Variants in ZNF687 observed in about 807,000 individuals in gnomAD.
ZNF687 encodes zinc finger protein 687.
In ZNF687, 13 loss-of-function variants were observed where a neutral mutation model predicts 71.8. The observed-to-expected ratio is 0.18, with a 90% CI of 0.12 to 0.29. ZNF687 has a LOEUF of 0.29. Among genes scored for constraint, ZNF687 ranks in the 10% least tolerant of loss-of-function variants. ZNF687 has a pLI of 1.00. For synonymous variants in ZNF687, 673 were observed against 641.6 expected (o/e 1.05, Z -0.74); for missense variants, 1,412 against 1,625.6 (o/e 0.87, Z 2.26).
rs754560639 is a variant in ZNF687 at position 151,287,216 on chromosome 1, G to T, written c.925G>T (p.Ala309Ser). 1.5e-5 allele frequency: 25 copies of T among 1,614,180 alleles called. No individual in the cohort carries two copies. Among genetic ancestry groups the T allele is most frequent in the Non-Finnish European group, 2.1e-5 (25 of 1,180,026 alleles). Residue 309 changes from alanine (A) to serine (S), a missense_variant, in exon 2 of 9, where the codon GCC becomes TCC. Transcript: ENST00000336715. This position sits in a 1 kb window ranked among gnomAD's most constrained non-coding sequence, Gnocchi z 5.0. ...PGSPQSPSSG[A>S]EAADEDSNDS... ...AAGTCCCCAGAGTCCCTCTAGTGGG[G>T]CCGAGGCTGCAGATGAGGACAGCAA... is the stretch of plus-strand genomic sequence containing the variant.
chr1:151,285,860 C>A (rs1693923970), intron 1 of ZNF687: 1 of 154,154 alleles, frequency 6.5e-6, no homozygotes, highest in Admixed American at 6.5e-5. Context: ...CAGGCATGTG[C>A]CACCACACCT....
rs938678836 is a variant in ZNF687 at position 151,290,524 on chromosome 1, C to A, written c.3170C>A (p.Ser1057Tyr). Residue 1057 changes from serine (S) to tyrosine (Y), a missense_variant, in exon 8 of 9, where the codon TCC becomes TAC. Physicochemically the swap from Ser to Tyr is moderately radical, Grantham distance 144 (BLOSUM62 -2). Coordinates refer to ENST00000336715, the MANE Select transcript of ZNF687 (RefSeq NM_020832.3). Reference sequence around the variant, plus strand: ...CACGGCTTGCAGCTTGGGGCCCAGTCCCCTGGCCGGGGGACCACCTTGGCT... The same window carrying A: ...CACGGCTTGCAGCTTGGGGCCCAGTACCCTGGCCGGGGGACCACCTTGGCT... ...VRHGLQLGAQSPGRGTTLARG... is the reference protein window; with the variant it reads ...VRHGLQLGAQYPGRGTTLARG... The A allele has an allele frequency of 4.3e-6, 7 of 1,613,850 alleles. No homozygotes were observed. Among genetic ancestry groups the A allele is most frequent in the Non-Finnish European group, 5.1e-6 (6 of 1,179,962 alleles).
chr1:151,291,263 A>G lies in ZNF687; in HGVS notation c.*54A>G, dbSNP rs1201456075. 6.5e-7 allele frequency: 1 copy of G among 1,537,120 alleles called. No homozygotes were observed. ...TTCCTCTTGGAGCCTGGTTTTCCCT[A>G]CTGCTGCCTGATCCCTCGGCTGGGG... On this transcript the variant is annotated 3_prime_UTR_variant, in exon 9 of 9. Coordinates refer to ENST00000336715, the MANE Select transcript of ZNF687 (RefSeq NM_020832.3).
intron 1 of ZNF687, chr1:151,282,986 C>T (rs1385919454): frequency 7.5e-6 from 3 of 399,210 alleles, no homozygotes; most frequent in Non-Finnish European, 1.0e-5. Flanking sequence ...ACCGTCCCCT[C>T]TCTCCTCCCC....
intron 1 of ZNF687, chr1:151,282,976 A>G (rs1234287819): frequency 6.2e-6 from 2 of 321,326 alleles, no homozygotes; most frequent in Non-Finnish European, 9.0e-6. Context: ...TCGCGCAGAG[A>G]CCGTCCCCTC....
At position 151,282,310 on chromosome 1, in the gene ZNF687, G is replaced by A; in HGVS notation, c.-103G>A. 2 of 1,001,176 alleles carry A rather than the reference G, an allele frequency of 2.0e-6. No individual in the cohort carries two copies. The highest frequency in any genetic ancestry group is 1.7e-5 in the African/African-American group (1 of 57,908). The allele number at this position is 1,001,176 out of a possible 1,614,324, so 62.0% of individuals were successfully genotyped here. On this transcript the variant is annotated 5_prime_UTR_variant, in exon 1 of 9. Coordinates refer to ENST00000336715, the MANE Select transcript of ZNF687 (RefSeq NM_020832.3). ...AACCGGAGAGAAGCAGGAAGTAGCG[G>A]CGGCCGCGGGGAGGGCGGCGGTGGC... is the stretch of plus-strand genomic sequence containing the variant.
chr1:151,281,973 A>G, upstream of ZNF687: 1 of 1,203,172 alleles, frequency 8.3e-7, no homozygotes, highest in African/African-American at 1.6e-5. Flanking sequence ...TCCAGTAGGC[A>G]AGCTGGGAAG....
In ZNF687 at chr1:151,287,355, C is replaced by A. The variant is rs1230495858; in HGVS notation, c.1064C>A (p.Pro355Gln). The change falls in exon 2 of 9, where the codon CCA becomes CAA. Residue 355 changes from proline to glutamine, a missense_variant. Physicochemically the swap from Pro to Gln is moderately conservative, Grantham distance 76 (BLOSUM62 -1). Transcript: ENST00000336715. The surrounding 1 kb of genome is among the most constrained non-coding windows in gnomAD (Gnocchi z 5.0). ...ACTCAGGTCCCCTCAGATCCTGATC[C>A]ACCTGCCCCCTTGGCTGAGGGGGCC... ...TVTQVPSDPD[P>Q]PAPLAEGAFL... The A allele has an allele frequency of 6.2e-7, 1 of 1,614,072 alleles. No homozygotes were observed. Among genetic ancestry groups the A allele is most frequent in the Non-Finnish European group, 8.5e-7 (1 of 1,180,040 alleles).
chr1:151,283,767 G>A (rs1470689963), intron 1 of ZNF687: 2 of 926,080 alleles, frequency 2.2e-6, no homozygotes, highest in African/African-American at 1.8e-5. Flanking sequence ...AATAGGGTGG[G>A]GGTGAGGGGA....
rs1044367887 is a variant in ZNF687 at position 151,287,431 on chromosome 1, T to C, written c.1140T>C (p.Ser380=). The change falls in exon 2 of 9, where the codon TCT becomes TCC. Residue 380 remains serine (S), a synonymous_variant. Transcript: ENST00000336715. This position sits in a 1 kb window ranked among gnomAD's most constrained non-coding sequence, Gnocchi z 5.0. Reference sequence around the variant, plus strand: ...AGCTGTCCCCTGCAACACCTACTTCTGAGGGTCCAAAGGTGGTGAGCGTAC... The same window carrying C: ...AGCTGTCCCCTGCAACACCTACTTCCGAGGGTCCAAAGGTGGTGAGCGTAC... ...LLKLSPATPT[S]EGPKVVSVQL... The C allele has an allele frequency of 6.2e-7, 1 of 1,614,146 alleles. No homozygotes were observed. The highest frequency in any genetic ancestry group is 8.5e-7 in the Non-Finnish European group (1 of 1,180,026).
chr1:151,290,225 A>G lies in ZNF687; in HGVS notation c.3068A>G (p.Tyr1023Cys), dbSNP rs1344990355. 6.2e-7 allele frequency: 1 copy of G among 1,613,790 alleles called. No individual in the cohort carries two copies. ...RVNHEGIKRV[Y>C]PCRYCTEGKR... Reference sequence around the variant, plus strand: ...AATCACGAGGGCATCAAGCGAGTTTACCCCTGCAGGTAAGTCTTGCTCCCC... The same window carrying G: ...AATCACGAGGGCATCAAGCGAGTTTGCCCCTGCAGGTAAGTCTTGCTCCCC... Residue 1023 changes from tyrosine (Y) to cysteine (C), a missense_variant, in exon 7 of 9, where the codon TAC (tyrosine) becomes TGC (cysteine). Physicochemically the swap from Tyr to Cys is radical, Grantham distance 194. Around this residue, in one of 8 missense-constraint regions of ZNF687, gnomAD observed 284 missense variants for 359.2 expected, o/e 0.79. Coordinates refer to ENST00000336715, the MANE Select transcript of ZNF687 (RefSeq NM_020832.3).
chr1:151,285,904 T>C (rs1693925348), intron 1 of ZNF687: 1 of 159,342 alleles, frequency 6.3e-6, no homozygotes, highest in African/African-American at 2.4e-5. Flanking sequence ...AGAGACAAGG[T>C]TTCACCATGT....
chr1:151,291,890 T>G lies in ZNF687; in HGVS notation c.*681T>G, dbSNP rs1300829349. ...AGAAAACCAGACCATTAAAACTGTT[T>G]GTGGTCGAATCTCCATTCAGGCCTC... On this transcript the variant is annotated 3_prime_UTR_variant, in exon 9 of 9. Coordinates refer to ENST00000336715, the MANE Select transcript of ZNF687 (RefSeq NM_020832.3). 6.6e-6 allele frequency: 1 copy of G among 152,358 alleles called. No individual in the cohort carries two copies. Among genetic ancestry groups the G allele is most frequent in the Non-Finnish European group, 1.5e-5 (1 of 68,030 alleles). The allele number at this position is 152,358 out of a possible 1,614,324, so 9.4% of individuals were successfully genotyped here.
At chr1:151,290,649 C>T (rs765122127) in intron 8 of ZNF687, 66 bp from the exon 9 acceptor site, 20 of 1,577,536 alleles carry the variant, frequency 1.3e-5, no homozygotes, top group Middle Eastern at 1.7e-4. Context: ...CCTCAGGAAG[C>T]GAGCATGGGG....
Position 151,287,657 on chromosome 1 carries a change from G to T in ZNF687, c.1366G>T (p.Ala456Ser). Residue 456 changes from alanine (A) to serine (S), a missense_variant, in exon 2 of 9, where the codon GCA (alanine) becomes TCA (serine). This residue lies in a region of ZNF687 where 133 missense variants were observed against 155.1 expected (regional missense o/e 0.86). Coordinates refer to ENST00000336715, the MANE Select transcript of ZNF687 (RefSeq NM_020832.3). This position sits in a 1 kb window ranked among gnomAD's most constrained non-coding sequence, Gnocchi z 5.0. ...AGCCCTGCCTAAGGCTGACGGGCGG[G>T]CAGGGCTGGGGACTGGGGGACAGAA... is the stretch of plus-strand genomic sequence containing the variant. ...PQALPKADGRAGLGTGGQKVN... is the reference protein window; with the variant it reads ...PQALPKADGRSGLGTGGQKVN... The T allele has an allele frequency of 6.2e-7, 1 of 1,613,390 alleles. No individual in the cohort carries two copies. The highest frequency in any genetic ancestry group is 1.3e-5 in the African/African-American group (1 of 75,026).
At position 151,290,677 on chromosome 1, in the gene ZNF687, G is replaced by C. The variant is rs1694196048; in HGVS notation, c.3220-38G>C. The C allele has an allele frequency of 7.0e-6, 11 of 1,581,892 alleles. No individual in the cohort carries two copies. The East Asian group carries it at 2.2e-4, about 32-fold the overall frequency. ...GCATGGGGGTGCCAGGGACAGTAGG[G>C]GTGGTGGTAAGGCCCAGTTTCTTCC... On this transcript the variant is annotated intron_variant, in intron 8 of 8. Transcript: ENST00000336715.
At position 151,284,291 on chromosome 1, in the gene ZNF687, C is replaced by T. The variant is rs369612402; in HGVS notation, c.-18+1896C>T. 12 of 984,000 alleles carry T rather than the reference C, an allele frequency of 1.2e-5. No homozygotes were observed. In the East Asian group the frequency reaches 5.7e-4, roughly 47 times the overall value. The allele number at this position is 984,000 out of a possible 1,614,324, so 61.0% of individuals were successfully genotyped here. ...GTATGTATCTTGGGAGTTTTAGCCT[C>T]GGGAAAGCAAGATGGGGAGGGGTGG... On this transcript the variant is annotated intron_variant, in intron 1 of 8. Transcript: ENST00000336715.
rs1433710055 is a variant in ZNF687 at position 151,284,171 on chromosome 1, G to A, written c.-18+1776G>A. 5 of 985,326 alleles carry A rather than the reference G, an allele frequency of 5.1e-6. No individual in the cohort carries two copies. The African/African-American group carries it at 8.7e-5, about 17-fold the overall frequency. The allele number at this position is 985,326 out of a possible 1,614,324, so 61.0% of individuals were successfully genotyped here. ...AAAGGGTGAGGAGTTAAAGTTAGGG[G>A]ATGGAATGGGGTGAGGAGCTTGGAG... On this transcript the variant is annotated intron_variant, in intron 1 of 8. Coordinates refer to ENST00000336715, the MANE Select transcript of ZNF687 (RefSeq NM_020832.3).
Position 151,289,491 on chromosome 1 carries a change from C to G in ZNF687, c.2585C>G (p.Ser862Cys), listed in dbSNP as rs1694108506. The G allele has an allele frequency of 6.2e-7, 1 of 1,614,134 alleles. No homozygotes were observed. The highest frequency in any genetic ancestry group is 1.1e-5 in the South Asian group (1 of 91,092). ...CGTGTCAGTGTCTTTAAGTGCCCGT[C>G]TTGTCCTCTGCTCTTTGCCCAAAAA... Reference protein sequence around the residue: ...PQRVSVFKCPSCPLLFAQKRT... With the variant: ...PQRVSVFKCPCCPLLFAQKRT... Residue 862 changes from serine to cysteine, a missense_variant, in exon 5 of 9, where the codon TCT (serine) becomes TGT (cysteine). Physicochemically the swap from Ser to Cys is moderately radical, Grantham distance 112. Coordinates refer to ENST00000336715, the MANE Select transcript of ZNF687 (RefSeq NM_020832.3).
Sources: allele counts gnomAD v4.1 joint callset, GRCh38; gene constraint gnomAD v4.1.1; regional missense constraint gnomAD v4.1.1; non-coding constraint Gnocchi (gnomAD v3.1); transcripts MANE v1.5; gene names NCBI Gene and HGNC (gene_info 2026-07-23, HGNC 2026-07-21).